The following HIVEP3 variants were observed in gnomAD, a reference collection of about 807,000 sequenced individuals.
HIVEP3 encodes the protein transcription factor HIVEP3.
HIVEP3 carries 49 observed loss-of-function variants against 152.8 expected under a neutral mutation model. The ratio of observed to expected loss-of-function variants is 0.32; its 90% confidence interval spans 0.26 to 0.41. HIVEP3 has a LOEUF of 0.41. HIVEP3 is among the 10% of genes least tolerant of loss of function. The pLI, the probability that HIVEP3 is intolerant of heterozygous loss-of-function variation, is 1.00. For missense variants in HIVEP3, 2,790 were observed against 3,103.3 expected (o/e 0.90, Z 2.40); for synonymous variants, 1,269 against 1,289.0 (o/e 0.98, Z 0.33).
At chr1:41,554,657 G>A (rs1643937875) in intron 5 of HIVEP3, among the ~76,000 whole-genome samples, 1 of 152,180 alleles carries the variant, frequency 6.6e-6, no homozygotes, top group East Asian at 1.9e-4. Context: ...TGATGGTGAT[G>A]TACAGATGGG....
At chr1:41,898,154 GTTGT>G (rs1644564663) in intron 1 of HIVEP3, among the ~76,000 whole-genome samples, 2 of 152,204 alleles carry the variant, frequency 1.3e-5, no homozygotes, top group Non-Finnish European at 2.9e-5. Flanking sequence ...TCATCTATTT[GTTGT>G]TTGTTTCAGT....
chr1:41,985,743 G>A (rs1645318684), intron 1 of HIVEP3, among the ~76,000 whole-genome samples: 2 of 152,182 alleles, frequency 1.3e-5, no homozygotes, highest in African/African-American at 4.8e-5. Flanking sequence ...TAGCTAGAAG[G>A]AGGAAATGCC....
At chr1:41,569,626 A>T (rs900417165) in intron 5 of HIVEP3, among the ~76,000 whole-genome samples, 10 of 152,190 alleles carry the variant, frequency 6.6e-5, no homozygotes, top group African/African-American at 2.4e-4. Context: ...ATGGATTTGT[A>T]AAAAAACTAT....
chr1:41,541,538 C>T (rs976809225), intron 5 of HIVEP3, among the ~76,000 whole-genome samples: 6 of 152,204 alleles, frequency 3.9e-5, no homozygotes, highest in Admixed American at 3.9e-4. Flanking sequence ...GCCTGGAATG[C>T]TCTCCTTCCC....
intron 1 of HIVEP3, among the ~76,000 whole-genome samples, chr1:41,925,727 A>G (rs926275775): frequency 2.0e-5 from 3 of 152,176 alleles, no homozygotes; most frequent in African/African-American, 7.2e-5. Flanking sequence ...ATATTGCCCA[A>G]AACTTTTTGG....
At chr1:41,780,570 C>G (rs1359009152) in intron 1 of HIVEP3, among the ~76,000 whole-genome samples, 2 of 152,198 alleles carry the variant, frequency 1.3e-5, no homozygotes, top group Admixed American at 1.3e-4. Flanking sequence ...GAGCAGGCCC[C>G]TTGACATCCC....
chr1:41,727,800 A>G (rs1483655216), intron 1 of HIVEP3, among the ~76,000 whole-genome samples: 3 of 152,220 alleles, frequency 2.0e-5, no homozygotes, highest in African/African-American at 7.2e-5. Flanking sequence ...GTAGTCAGCT[A>G]CTTCCTGCTG....
intron 1 of HIVEP3, among the ~76,000 whole-genome samples, chr1:41,874,992 C>A (rs750362367): frequency 7.2e-5 from 11 of 152,304 alleles, no homozygotes; most frequent in Non-Finnish European, 8.8e-5. Flanking sequence ...CTGCCCAGGG[C>A]TCACTTGGAA....
intron 1 of HIVEP3, among the ~76,000 whole-genome samples, chr1:41,834,952 A>G (rs1643079095): frequency 6.6e-6 from 1 of 152,164 alleles, no homozygotes; most frequent in Admixed American, 6.5e-5. Context: ...GCTGAGAATG[A>G]AGCTGGAGCA....
intron 1 of HIVEP3, among the ~76,000 whole-genome samples, chr1:41,891,835 T>C (rs1644451902): frequency 1.3e-5 from 2 of 152,330 alleles, no homozygotes; most frequent in South Asian, 4.1e-4. Context: ...TCCCATGTCC[T>C]GATTTCATTG....
chr1:41,756,480 A>G (rs1037690237), intron 1 of HIVEP3, among the ~76,000 whole-genome samples: 3 of 152,206 alleles, frequency 2.0e-5, no homozygotes, highest in African/African-American at 7.2e-5. Context: ...CACTTTTACA[A>G]ACTTATCCTA....
chr1:41,872,462 C>G (rs769839763), intron 1 of HIVEP3, among the ~76,000 whole-genome samples: 1 of 152,144 alleles, frequency 6.6e-6, no homozygotes, highest in East Asian at 1.9e-4. Flanking sequence ...GCAATTCATC[C>G]ACAAGAACTC....
intron 2 of HIVEP3, among the ~76,000 whole-genome samples, chr1:41,680,130 T>A (rs545295854): frequency 6.6e-6 from 1 of 152,310 alleles, no homozygotes; most frequent in African/African-American, 2.4e-5. Flanking sequence ...CACTGGTCCC[T>A]GGGATGACCA....
chr1:41,715,622 T>C (rs920253521), intron 1 of HIVEP3, among the ~76,000 whole-genome samples: 2 of 152,208 alleles, frequency 1.3e-5, no homozygotes, highest in African/African-American at 4.8e-5. Context: ...GTCATGGTCA[T>C]GCAATATGAA....
At chr1:41,586,187 A>C (rs1488676214) in intron 3 of HIVEP3, among the ~76,000 whole-genome samples, 1 of 152,148 alleles carries the variant, frequency 6.6e-6, no homozygotes, top group Non-Finnish European at 1.5e-5. Context: ...GGAGGAGCAA[A>C]GTTGGTCTGC....
chr1:41,544,315 T>C (rs1311136695), intron 5 of HIVEP3: 1 of 151,462 alleles, frequency 6.6e-6, no homozygotes, highest in Non-Finnish European at 1.5e-5. Context: ...GTGAGGGGGG[T>C]TATGTCAGTC....
intron 3 of HIVEP3, among the ~76,000 whole-genome samples, chr1:41,610,196 T>C (rs1644878480): frequency 6.6e-6 from 1 of 152,172 alleles, no homozygotes; most frequent in African/African-American, 2.4e-5. Context: ...ACATACACAA[T>C]TGGTTCTGTT....
At chr1:41,623,094 A>T (rs77622655) in intron 3 of HIVEP3, among the ~76,000 whole-genome samples, 1 of 152,168 alleles carries the variant, frequency 6.6e-6, no homozygotes, top group African/African-American at 2.4e-5. Context: ...GCCAAGCTCC[A>T]GGGCTTCAGT....
At chr1:41,843,585 G>T (rs1332977392) in intron 1 of HIVEP3, among the ~76,000 whole-genome samples, 1 of 129,816 alleles carries the variant, frequency 7.7e-6, no homozygotes, top group African/African-American at 2.8e-5. Context: ...GGTAGTTTAA[G>T]AAAAAAAAAA....
Sources: allele counts gnomAD v4.1 joint callset (sites outside exome capture counted in the v4.1 genomes callset), GRCh38; gene constraint gnomAD v4.1.1; transcripts MANE v1.5; gene names NCBI Gene and HGNC (gene_info 2026-07-23, HGNC 2026-07-21).